The following ZSWIM6 variants were observed in gnomAD, a reference collection of about 807,000 sequenced individuals.
The protein encoded by ZSWIM6 is zinc finger SWIM domain-containing protein 6.
Under a neutral mutation model 113.2 loss-of-function variants are expected in ZSWIM6, and 9 were observed. The ratio of observed to expected loss-of-function variants is 0.08; its 90% CI spans 0.05 to 0.14. The LOEUF is 0.14. Among genes scored for constraint, ZSWIM6 ranks in the 10% least tolerant of loss-of-function variants. The probability of loss-of-function intolerance (pLI) is 1.00; values close to 1 mark genes in which losing one functional copy is unlikely to be tolerated. For missense variants in ZSWIM6, 1,162 were observed against 1,552.2 expected, an observed-to-expected ratio of 0.75 and a Z score of 4.22; for synonymous variants, 611 against 606.5, an observed-to-expected ratio of 1.01 and a Z score of -0.11.
intron 5 of ZSWIM6, among the ~76,000 whole-genome samples, chr5:61,523,446 A>ATTAAAAATTTTCT (rs1749187100): frequency 6.6e-6 from 1 of 152,238 alleles, no homozygotes; most frequent in Non-Finnish European, 1.5e-5. Context: ...CCAAAAGTAT[A>ATTAAAAATTTTCT]GCCAATTTTA....
intron 4 of ZSWIM6, among the ~76,000 whole-genome samples, chr5:61,504,758 G>A (rs562073932): frequency 1.3e-5 from 2 of 152,204 alleles, no homozygotes; most frequent in South Asian, 2.1e-4. Flanking sequence ...GAATGGAGGG[G>A]CATTGTATCA....
At chr5:61,357,251 G>A (rs1389378408) in intron 1 of ZSWIM6, among the ~76,000 whole-genome samples, 2 of 152,148 alleles carry the variant, frequency 1.3e-5, no homozygotes, top group Non-Finnish European at 2.9e-5. Context: ...CAGGGTATTG[G>A]TTATTCAGGT....
At chr5:61,351,386 A>G (rs1744780216) in intron 1 of ZSWIM6, among the ~76,000 whole-genome samples, 1 of 152,232 alleles carries the variant, frequency 6.6e-6, no homozygotes, top group Non-Finnish European at 1.5e-5. Context: ...TGGCAAGTGG[A>G]AGATGGAAGA....
intron 1 of ZSWIM6, among the ~76,000 whole-genome samples, chr5:61,428,033 A>G (rs1292948401): frequency 2.0e-5 from 3 of 151,992 alleles, no homozygotes; most frequent in Non-Finnish European, 2.9e-5. Context: ...ATTTCTGCTT[A>G]CTTTGAAAAT....
At chr5:61,466,271 T>G (rs2112175139) in intron 1 of ZSWIM6, among the ~76,000 whole-genome samples, 1 of 152,354 alleles carries the variant, frequency 6.6e-6, no homozygotes, top group Non-Finnish European at 1.5e-5. Flanking sequence ...TATTAGTTAC[T>G]ATACATTTAG....
At chr5:61,380,892 G>T (rs1579964844) in intron 1 of ZSWIM6, among the ~76,000 whole-genome samples, 1 of 151,808 alleles carries the variant, frequency 6.6e-6, no homozygotes, top group East Asian at 1.9e-4. Context: ...CTTGAACCCA[G>T]GAGTTAAGAA....
At chr5:61,501,868 G>T (rs1748475258) in intron 4 of ZSWIM6, among the ~76,000 whole-genome samples, 2 of 152,184 alleles carry the variant, frequency 1.3e-5, no homozygotes, top group African/African-American at 4.8e-5. Context: ...TTGGTATAAG[G>T]TGTCCTCTTC....
At chr5:61,420,849 T>C (rs1178953356) in intron 1 of ZSWIM6, among the ~76,000 whole-genome samples, 1 of 152,116 alleles carries the variant, frequency 6.6e-6, no homozygotes, top group Non-Finnish European at 1.5e-5. Context: ...TTTTAAAATG[T>C]AAAATTAAAT....
At chr5:61,444,585 T>G (rs1262944402) in intron 1 of ZSWIM6, among the ~76,000 whole-genome samples, 2 of 152,198 alleles carry the variant, frequency 1.3e-5, no homozygotes, top group African/African-American at 4.8e-5. Context: ...TAAACCTTTT[T>G]TAATATTTTA....
intron 1 of ZSWIM6, among the ~76,000 whole-genome samples, chr5:61,404,464 T>C (rs1243078100): frequency 6.6e-6 from 1 of 152,176 alleles, no homozygotes; most frequent in Non-Finnish European, 1.5e-5. Context: ...CTACCACCTC[T>C]CAAGGCAAAC....
At chr5:61,493,796 C>A (rs1463143909) in intron 3 of ZSWIM6, among the ~76,000 whole-genome samples, 24 of 152,074 alleles carry the variant, frequency 1.6e-4, no homozygotes, top group Admixed American at 1.6e-3. Context: ...AGCATGAATG[C>A]CTACTTTGTT....
chr5:61,382,322 A>T (rs191303303), intron 1 of ZSWIM6, among the ~76,000 whole-genome samples: 1 of 152,340 alleles, frequency 6.6e-6, no homozygotes, highest in African/African-American at 2.4e-5. Flanking sequence ...GCCCCTTGGC[A>T]TGGTACTCTG....
chr5:61,529,163 C>T (rs1749365424), intron 7 of ZSWIM6, among the ~76,000 whole-genome samples: 1 of 152,074 alleles, frequency 6.6e-6, no homozygotes, highest in Admixed American at 6.5e-5. Flanking sequence ...GCCAAGATCG[C>T]ACCATTGCAC....
At chr5:61,378,497 G>A (rs1249794802) in intron 1 of ZSWIM6, among the ~76,000 whole-genome samples, 1 of 152,074 alleles carries the variant, frequency 6.6e-6, no homozygotes, top group Non-Finnish European at 1.5e-5. Context: ...CAAGAAAATG[G>A]TAGCCTTAAT....
intron 1 of ZSWIM6, among the ~76,000 whole-genome samples, chr5:61,417,374 A>G (rs943110645): frequency 1.3e-5 from 2 of 152,224 alleles, no homozygotes; most frequent in African/African-American, 2.4e-5. Flanking sequence ...ATTCAAGTTC[A>G]GTTTCAAAGT....
chr5:61,419,404 C>T (rs1360709167), intron 1 of ZSWIM6, among the ~76,000 whole-genome samples: 1 of 152,164 alleles, frequency 6.6e-6, no homozygotes, highest in Non-Finnish European at 1.5e-5. Context: ...GCTCTGGGCT[C>T]ACTATTAAGT....
intron 1 of ZSWIM6, among the ~76,000 whole-genome samples, chr5:61,416,134 A>G (rs1192623612): frequency 2.0e-5 from 3 of 152,214 alleles, no homozygotes; most frequent in African/African-American, 7.2e-5. Flanking sequence ...TTGTGGAACG[A>G]ATGGCATTCC....
rs531726472 is a variant in ZSWIM6 at position 61,509,230 on chromosome 5, A to G, written c.1334-12033A>G. 2.4e-4 allele frequency among the ~76,000 whole-genome samples: 37 copies of G among 152,310 alleles called. 1 individual carries two copies. In the South Asian group the frequency reaches 5.8e-3, roughly 24 times the overall value. ...CATAATATTTCATTTGCAGTAATTC[A>G]TCATCATCTTCAAACTCTTATGTAA... On this transcript the variant is annotated intron_variant, in intron 4 of 13. Coordinates refer to ENST00000252744, the MANE Select transcript of ZSWIM6 (RefSeq NM_020928.2).
At chr5:61,439,591 TTGTAGCATCATCATTAC>T (rs1746782135) in intron 1 of ZSWIM6, among the ~76,000 whole-genome samples, 1 of 152,226 alleles carries the variant, frequency 6.6e-6, no homozygotes, top group Non-Finnish European at 1.5e-5. Flanking sequence ...TCTGTGTTGC[TTGTAGCATCATCATTAC>T]TGTAGCATAC....
Sources: gnomAD v4.1 joint callset for allele counts (sites outside exome capture counted in the v4.1 genomes callset) on GRCh38, gnomAD v4.1.1 for gene constraint, MANE v1.5 for transcripts, NCBI Gene and HGNC (gene_info 2026-07-23, HGNC 2026-07-21) for gene names.